PRKAR1A: variants seen among roughly 807,000 people sequenced by gnomAD.
PRKAR1A encodes cAMP-dependent protein kinase type I-alpha regulatory subunit.
PRKAR1A carries 3 observed loss-of-function variants against 52.0 expected under a neutral mutation model. The observed-to-expected ratio is 0.06, with a 90% confidence interval of 0.03 to 0.15. The LOEUF (loss-of-function observed/expected upper bound fraction) is 0.15, where lower values mean the gene tolerates loss of function less well. Among genes scored for constraint, PRKAR1A ranks in the 10% least tolerant of loss-of-function variants. The pLI is 1.00. For missense variants in PRKAR1A, 240 were observed against 477.4 expected, an observed-to-expected ratio of 0.50 and a Z score of 4.63; for synonymous variants, 188 against 168.4, an observed-to-expected ratio of 1.12 and a Z score of -0.90.
At chr17:68,437,973 A>AAAAAAAAAT in the PRKAR1A span, among the ~76,000 whole-genome samples, 1 of 139,850 alleles carries the variant, frequency 7.2e-6, no homozygotes, top group African/African-American at 2.6e-5. Flanking sequence ...AAAAAAAAAA[A>AAAAAAAAAT]GTGACTGGCG....
chr17:68,461,490 T>C, the PRKAR1A span, among the ~76,000 whole-genome samples: 3 of 152,198 alleles, frequency 2.0e-5, no homozygotes, highest in African/African-American at 7.2e-5. This position sits in a 1 kb window ranked among gnomAD's most constrained non-coding sequence, Gnocchi z 4.6. Context: ...TCACCCCATA[T>C]GGTCATTCAT....
the PRKAR1A span, among the ~76,000 whole-genome samples, chr17:68,479,740 A>T: frequency 6.6e-6 from 1 of 152,196 alleles, no homozygotes; most frequent in Non-Finnish European, 1.5e-5. Context: ...ATATTAGTCC[A>T]TTCTCACACT....
chr17:68,446,496 C>T, the PRKAR1A span, among the ~76,000 whole-genome samples: 1 of 152,102 alleles, frequency 6.6e-6, no homozygotes, highest in Non-Finnish European at 1.5e-5. Flanking sequence ...CTCAGTTTTA[C>T]CTAAGGCTCT....
At chr17:68,417,027 T>C in the PRKAR1A span, among the ~76,000 whole-genome samples, 4 of 152,348 alleles carry the variant, frequency 2.6e-5, no homozygotes, top group East Asian at 7.7e-4. Context: ...GTGTGATTTT[T>C]TGGGGAGTGT....
At chr17:68,470,236 C>T in the PRKAR1A span, among the ~76,000 whole-genome samples, 1,520 of 152,210 alleles carry the variant, frequency 1.0e-2, 27 homozygotes, top group African/African-American at 0.034. Context: ...AGCGTGCCAC[C>T]GCACCTGACT....
At chr17:68,457,483 C>G in the PRKAR1A span, 2 of 1,338,564 alleles carry the variant, frequency 1.5e-6, no homozygotes, top group South Asian at 1.8e-5. Context: ...GCAGCCCGCC[C>G]GCGCCGGCTC....
chr17:68,510,195 G>GAGAGAGAGAT (rs1164168629), upstream of PRKAR1A, among the ~76,000 whole-genome samples: 2 of 148,650 alleles, frequency 1.3e-5, no homozygotes, highest in African/African-American at 2.5e-5. Flanking sequence ...GAGAGAGAGA[G>GAGAGAGAGAT]ATCTATCTAT....
chr17:68,447,912 G>C, the PRKAR1A span, among the ~76,000 whole-genome samples: 1 of 145,140 alleles, frequency 6.9e-6, no homozygotes, highest in African/African-American at 2.5e-5. Flanking sequence ...AGAATTGCTT[G>C]AACACGGGAG....
intron 11 of PRKAR1A, chr17:68,541,998 C>T (rs2086319833): frequency 5.0e-6 from 8 of 1,613,436 alleles, no homozygotes; most frequent in Non-Finnish European, 6.8e-6. Flanking sequence ...TCTTTTCCTG[C>T]CAGTGTGTAG....
Position 68,530,710 on chromosome 17 carries a change from C to T in PRKAR1A, c.*261C>T. The T allele has an allele frequency of 7.3e-7, 1 of 1,373,962 alleles. No individual in the cohort carries two copies. Among genetic ancestry groups the T allele is most frequent in the Non-Finnish European group, 9.4e-7 (1 of 1,060,292 alleles). 85.1% of individuals were successfully genotyped at this position (1,373,962 alleles called of 1,614,324 possible). Reference sequence around the variant, plus strand: ...CTCTTTGTGCAGTGTTAGTATTCACCCTGGGCAGTGAGTGCCATGCTTTTT... The same window carrying T: ...CTCTTTGTGCAGTGTTAGTATTCACTCTGGGCAGTGAGTGCCATGCTTTTT... On this transcript the variant is annotated 3_prime_UTR_variant, in exon 11 of 11. Coordinates refer to ENST00000589228, the MANE Select transcript of PRKAR1A (RefSeq NM_002734.5).
the PRKAR1A span, among the ~76,000 whole-genome samples, chr17:68,449,563 C>T: frequency 6.6e-6 from 1 of 152,312 alleles, no homozygotes; most frequent in Admixed American, 6.5e-5. Context: ...CCATCCCCCA[C>T]CATAGAGTGA....
chr17:68,425,227 A>T, the PRKAR1A span, among the ~76,000 whole-genome samples: 1 of 152,186 alleles, frequency 6.6e-6, no homozygotes, highest in Admixed American at 6.5e-5. Context: ...TTTTTGAGAT[A>T]GAGTCTCACT....
the PRKAR1A span, among the ~76,000 whole-genome samples, chr17:68,431,783 A>AAGAG: frequency 3.8e-3 from 32 of 8,466 alleles, no homozygotes; most frequent in South Asian, 6.2e-3. Context: ...TTGAGCGGAG[A>AAGAG]ACCCAGAACA....
At chr17:68,495,128 G>C in the PRKAR1A span, among the ~76,000 whole-genome samples, 1 of 152,124 alleles carries the variant, frequency 6.6e-6, no homozygotes, top group Non-Finnish European at 1.5e-5. Context: ...CTGAGCCCAA[G>C]AGGTCCTCCC....
intron 5 of PRKAR1A, among the ~76,000 whole-genome samples, 188 bp from the exon 6 acceptor site, chr17:68,524,724 A>G (rs2085729172): frequency 1.3e-5 from 2 of 152,196 alleles, no homozygotes; most frequent in South Asian, 4.1e-4. Context: ...TGAGATGACT[A>G]AAAAAATTTT....
the PRKAR1A span, among the ~76,000 whole-genome samples, chr17:68,461,240 T>G: frequency 1.3e-5 from 2 of 152,172 alleles, no homozygotes; most frequent in Non-Finnish European, 2.9e-5. This position sits in a 1 kb window ranked among gnomAD's most constrained non-coding sequence, Gnocchi z 4.6. Context: ...CTAGGAAAAC[T>G]TACTCGTAAG....
chr17:68,515,124 G>A (rs2085388587), intron 1 of PRKAR1A: 1 of 471,148 alleles, frequency 2.1e-6, no homozygotes, highest in African/African-American at 2.0e-5. Flanking sequence ...GCAGAGGTTA[G>A]TGGCTCATAC....
At chr17:68,499,516 G>C in the PRKAR1A span, among the ~76,000 whole-genome samples, 1 of 152,270 alleles carries the variant, frequency 6.6e-6, no homozygotes, top group East Asian at 1.9e-4. Context: ...GGCAGGGCTG[G>C]GACAGCAAGC....
intron 2 of PRKAR1A, among the ~76,000 whole-genome samples, chr17:68,521,930 C>A (rs16973011): frequency 6.6e-6 from 1 of 152,032 alleles, no homozygotes; most frequent in South Asian, 2.1e-4. Context: ...GTTTTTAAGG[C>A]TCTAGATGTG....
Sources: gnomAD v4.1 joint callset for allele counts (sites outside exome capture counted in the v4.1 genomes callset) on GRCh38, gnomAD v4.1.1 for gene constraint, Gnocchi (gnomAD v3.1) non-coding constraint, MANE v1.5 for transcripts, NCBI Gene and HGNC (gene_info 2026-07-23, HGNC 2026-07-21) for gene names.